The following DOCK9 variants were observed in gnomAD, a reference collection of about 807,000 sequenced individuals.
DOCK9 encodes dedicator of cytokinesis protein 9.
In DOCK9, 89 loss-of-function variants were observed where a neutral mutation model predicts 263.3. The observed-to-expected ratio is 0.34, with a 90% CI of 0.28 to 0.40. The LOEUF (loss-of-function observed/expected upper bound fraction) is 0.40, where lower values mean the gene tolerates loss of function less well. Among genes scored for constraint, DOCK9 ranks in the 10% least tolerant of loss-of-function variants. The probability of loss-of-function intolerance (pLI) is 1.00; values close to 1 mark genes in which losing one functional copy is unlikely to be tolerated. For synonymous variants in DOCK9, 976 were observed against 973.1 expected (o/e 1.00, Z -0.06); for missense variants, 2,140 against 2,603.4 (o/e 0.82, Z 3.87).
At chr13:99,034,537 C>T (rs955920516) in intron 1 of DOCK9, among the ~76,000 whole-genome samples, 5 of 152,174 alleles carry the variant, frequency 3.3e-5, no homozygotes, top group Admixed American at 2.6e-4. Context: ...TGCCTCAGCT[C>T]CTCATCTGCA....
chr13:98,859,446 T>C (rs1369987525), intron 33 of DOCK9: 1 of 152,146 alleles, frequency 6.6e-6, no homozygotes, highest in Non-Finnish European at 1.5e-5. Context: ...GTGGGGTTTC[T>C]CATGTTAAAT....
intron 49 of DOCK9, among the ~76,000 whole-genome samples, chr13:98,803,308 C>T (rs1397208916): frequency 1.3e-5 from 2 of 152,202 alleles, no homozygotes; most frequent in African/African-American, 4.8e-5. Flanking sequence ...CCTGGGAAAA[C>T]AGCCTATGGT....
At chr13:98,810,017 T>C (rs1455741465) in intron 46 of DOCK9, among the ~76,000 whole-genome samples, 152 bp downstream of exon 46, 2 of 152,128 alleles carry the variant, frequency 1.3e-5, no homozygotes, top group East Asian at 1.9e-4. Flanking sequence ...AGATGATGAC[T>C]GGCCACCACC....
chr13:99,050,538 A>T (rs1466690898), intron 1 of DOCK9, among the ~76,000 whole-genome samples: 1 of 152,014 alleles, frequency 6.6e-6, no homozygotes, highest in Non-Finnish European at 1.5e-5. Flanking sequence ...CTAAAAATAC[A>T]AAAAATTAGC....
intron 20 of DOCK9, 167 bp from the exon 21 acceptor site, chr13:98,885,259 T>C (rs1324753480): frequency 2.1e-6 from 2 of 963,466 alleles, no homozygotes; most frequent in Non-Finnish European, 3.0e-6. Context: ...TTGTCTACAA[T>C]GTACTTAGGC....
chr13:99,087,306 C>A (rs2142537918), upstream of DOCK9, among the ~76,000 whole-genome samples: 3 of 152,334 alleles, frequency 2.0e-5, no homozygotes, highest in African/African-American at 7.2e-5. Flanking sequence ...CTCCGGCCCG[C>A]CGGGACGGCC....
intron 1 of DOCK9, chr13:99,015,585 A>T (rs778394187): frequency 6.9e-6 from 11 of 1,597,420 alleles, no homozygotes; most frequent in African/African-American, 1.3e-5. Flanking sequence ...CTTTAAACAG[A>T]ATCACACTAG....
intron 34 of DOCK9, among the ~76,000 whole-genome samples, chr13:98,855,433 G>A (rs563975351): frequency 3.3e-4 from 51 of 152,270 alleles, no homozygotes; most frequent in African/African-American, 1.1e-3. Flanking sequence ...TTAGCCGGGC[G>A]TGGTGGCTTG....
chr13:98,994,440 C>T (rs888117398), intron 1 of DOCK9, among the ~76,000 whole-genome samples: 3 of 152,146 alleles, frequency 2.0e-5, no homozygotes, highest in Admixed American at 6.5e-5. Context: ...ATACAGAAAC[C>T]GGCCCCCTCA....
chr13:99,047,261 C>T (rs1225708986), intron 1 of DOCK9, among the ~76,000 whole-genome samples: 2 of 152,118 alleles, frequency 1.3e-5, no homozygotes, highest in African/African-American at 2.4e-5. Flanking sequence ...AGAAACACAG[C>T]CTTTTCTGTG....
chr13:98,819,993 C>T (rs549715849), intron 45 of DOCK9, among the ~76,000 whole-genome samples: 72 of 152,300 alleles, frequency 4.7e-4, no homozygotes, highest in Admixed American at 8.5e-4. Context: ...TGTAAAACAA[C>T]AGTTTTGTGT....
intron 1 of DOCK9, among the ~76,000 whole-genome samples, chr13:99,029,054 T>C (rs1458939066): frequency 2.6e-5 from 4 of 152,202 alleles, no homozygotes. Context: ...GGAGACTAGC[T>C]CCTTCCCCTC....
At chr13:98,797,577 C>T in intron 50 of DOCK9, 88 bp from the exon 51 acceptor site, 1 of 1,174,146 alleles carries the variant, frequency 8.5e-7, no homozygotes. Flanking sequence ...CACTAAAAAG[C>T]CCGTTCGCGT....
At chr13:98,897,998 C>G (rs1351280798) in intron 14 of DOCK9, among the ~76,000 whole-genome samples, 181 bp downstream of exon 14, 1 of 152,210 alleles carries the variant, frequency 6.6e-6, no homozygotes, top group African/African-American at 2.4e-5. Context: ...AGCACTTCTC[C>G]AGACAGTGTC....
chr13:98,880,770 C>T (rs1222992945), intron 25 of DOCK9, 98 bp from the exon 26 acceptor site: 2 of 1,449,686 alleles, frequency 1.4e-6, no homozygotes, highest in African/African-American at 1.4e-5. Context: ...GACTGAGCTA[C>T]AATATCATTT....
At chr13:98,885,651 T>A in intron 20 of DOCK9, 57 bp downstream of exon 20, 1 of 1,528,018 alleles carries the variant, frequency 6.5e-7, no homozygotes, top group East Asian at 2.3e-5. Context: ...CTTAATACAA[T>A]TTAAGAACCT....
chr13:98,834,515 A>G (rs755442835), intron 39 of DOCK9: 9 of 152,150 alleles, frequency 5.9e-5, no homozygotes, highest in Non-Finnish European at 1.0e-4. Flanking sequence ...ATTGCTCCTG[A>G]TTATGTGTTA....
At chr13:99,078,827 T>C (rs1403383626) in intron 1 of DOCK9, among the ~76,000 whole-genome samples, 1 of 152,208 alleles carries the variant, frequency 6.6e-6, no homozygotes, top group Non-Finnish European at 1.5e-5. Flanking sequence ...CCTGTCAATA[T>C]TGACCAAAGT....
At chr13:98,947,282 C>A (rs2056836660) in intron 2 of DOCK9, among the ~76,000 whole-genome samples, 1 of 152,096 alleles carries the variant, frequency 6.6e-6, no homozygotes, top group African/African-American at 2.4e-5. Context: ...CCAAGCACCT[C>A]ACAAAGCTGA....
Sources: allele counts gnomAD v4.1 joint callset (sites outside exome capture counted in the v4.1 genomes callset), GRCh38; gene constraint gnomAD v4.1.1; transcripts MANE v1.5; gene names NCBI Gene and HGNC (gene_info 2026-07-23, HGNC 2026-07-21).